GARIN5B: variants seen among roughly 807,000 people sequenced by gnomAD.
GARIN5B encodes the protein golgi associated RAB2 interactor family member 5B.
the GARIN5B span, among the ~76,000 whole-genome samples, chr19:55,361,749 G>C: frequency 7.9e-5 from 1 of 12,624 alleles, no homozygotes; most frequent in African/African-American, 2.4e-4. Flanking sequence ...AGTTCAGACT[G>C]CCAGCCCTCC....
chr19:55,356,125 C>T, the GARIN5B span, among the ~76,000 whole-genome samples: 152 of 151,930 alleles, frequency 1.0e-3, no homozygotes, highest in Non-Finnish European at 2.0e-3. Context: ...CCCTGTAATC[C>T]CAGCACTTTG....
the GARIN5B span, chr19:55,360,702 G>A: frequency 6.4e-7 from 1 of 1,551,570 alleles, no homozygotes; most frequent in Non-Finnish European, 8.7e-7. Flanking sequence ...CCTTTGGAGA[G>A]GACTGTGTCT....
At chr19:55,361,332 G>A in the GARIN5B span, 1 of 1,541,876 alleles carries the variant, frequency 6.5e-7, no homozygotes, top group East Asian at 2.5e-5. Flanking sequence ...CAAGGAAGGG[G>A]GAAGAGCCAA....
At chr19:55,354,978 GC>G in the GARIN5B span, 4 of 56,920 alleles carry the variant, frequency 7.0e-5, no homozygotes, top group East Asian at 7.9e-4. Flanking sequence ...GCCCCCCCCC[GC>G]CCCCCAATAT....
chr19:55,362,946 G>T, the GARIN5B span: 2 of 1,504,776 alleles, frequency 1.3e-6, no homozygotes, highest in Non-Finnish European at 1.8e-6. Flanking sequence ...AACATGGGCA[G>T]CGGACGGAGG....
At chr19:55,362,718 C>A in the GARIN5B span, 1 of 1,534,960 alleles carries the variant, frequency 6.5e-7, no homozygotes, top group African/African-American at 1.4e-5. Flanking sequence ...ACACTGGGCC[C>A]CCTTGATGGG....
chr19:55,357,092 A>G, the GARIN5B span, among the ~76,000 whole-genome samples: 10,789 of 152,034 alleles, frequency 0.071, 543 homozygotes, highest in Non-Finnish European at 0.11. Context: ...AGGACCTCCA[A>G]CCCATGAGTA....
the GARIN5B span, chr19:55,361,510 C>T: frequency 1.4e-6 from 2 of 1,391,524 alleles, no homozygotes; most frequent in Non-Finnish European, 1.9e-6. Flanking sequence ...GGCCTAGGCC[C>T]CCTCCTGCTC....
chr19:55,355,468 G>T, the GARIN5B span: 2 of 950,064 alleles, frequency 2.1e-6, no homozygotes, highest in Non-Finnish European at 3.2e-6. Flanking sequence ...GGGTCTTGCT[G>T]TGTGTTTGGC....
At chr19:55,363,163 C>A in the GARIN5B span, 1 of 1,284,202 alleles carries the variant, frequency 7.8e-7, no homozygotes, top group Non-Finnish European at 1.0e-6. The surrounding 1 kb of genome is among the most constrained non-coding windows in gnomAD (Gnocchi z 4.0). Context: ...TGGGGCTTCA[C>A]GGGTGCCTGG....
chr19:55,362,985 T>C, the GARIN5B span: 1 of 1,484,486 alleles, frequency 6.7e-7, no homozygotes, highest in Non-Finnish European at 8.9e-7. Flanking sequence ...TGGAGGGTCT[T>C]TTGCAGCTCC....
chr19:55,358,913 T>G, the GARIN5B span: 1 of 1,551,054 alleles, frequency 6.4e-7, no homozygotes, highest in Middle Eastern at 1.7e-4. Context: ...GGACCTCTCT[T>G]CAAGCTTCGC....
At chr19:55,361,135 G>A in the GARIN5B span, 4 of 1,551,208 alleles carry the variant, frequency 2.6e-6, no homozygotes, top group Admixed American at 2.0e-5. Flanking sequence ...CGGTTAGACA[G>A]GGGCAGCCCC....
the GARIN5B span, chr19:55,362,532 G>A: frequency 1.6e-5 from 24 of 1,529,880 alleles, no homozygotes; most frequent in Non-Finnish European, 1.8e-5. Context: ...AGCGTCTAGA[G>A]CAGGAGGGGT....
the GARIN5B span, chr19:55,361,412 G>C: frequency 2.6e-6 from 4 of 1,521,290 alleles, no homozygotes; most frequent in East Asian, 9.8e-5. Context: ...CTGCTCACCT[G>C]CATGTCTGCT....
At chr19:55,361,385 C>T in the GARIN5B span, 1 of 1,534,418 alleles carries the variant, frequency 6.5e-7, no homozygotes, top group East Asian at 2.5e-5. Context: ...CCCAGAGGTC[C>T]TGACAAACAG....
the GARIN5B span, chr19:55,362,521 G>A: frequency 6.5e-7 from 1 of 1,531,328 alleles, no homozygotes; most frequent in Non-Finnish European, 8.8e-7. Context: ...AGGGAGAGGG[G>A]AGCGTCTAGA....
chr19:55,359,882 A>C, the GARIN5B span: 255 of 1,551,526 alleles, frequency 1.6e-4, 1 homozygote, highest in East Asian at 6.2e-3. Flanking sequence ...GCAGGAGCCC[A>C]GAAAGAAGCC....
At chr19:55,361,005 T>C in the GARIN5B span, 1 of 1,550,942 alleles carries the variant, frequency 6.4e-7, no homozygotes, top group East Asian at 2.4e-5. Flanking sequence ...CCCACTTCTT[T>C]TCTGCAGGTT....
Sources: allele counts gnomAD v4.1 joint callset (sites outside exome capture counted in the v4.1 genomes callset), GRCh38; gene constraint gnomAD v4.1.1; non-coding constraint Gnocchi (gnomAD v3.1); transcripts MANE v1.5; gene names NCBI Gene and HGNC (gene_info 2026-07-23, HGNC 2026-07-21).